Variants in RARB observed in about 807,000 individuals in gnomAD.
RARB encodes the protein retinoic acid receptor beta.
Under a neutral mutation model 51.9 loss-of-function variants are expected in RARB, and 17 were observed. The ratio of observed to expected loss-of-function variants is 0.33; its 90% CI spans 0.22 to 0.49. RARB has a LOEUF of 0.49. RARB is among the 20% of genes least tolerant of loss of function. The probability of loss-of-function intolerance (pLI) is 0.99; values close to 1 mark genes in which losing one functional copy is unlikely to be tolerated. For synonymous variants in RARB, 215 were observed against 195.4 expected, an observed-to-expected ratio of 1.10 and a Z score of -0.84; for missense variants, 369 against 550.8, an observed-to-expected ratio of 0.67 and a Z score of 3.30.
intron 5 of RARB, among the ~76,000 whole-genome samples, chr3:25,389,689 T>A (rs1706894873): frequency 6.6e-6 from 1 of 152,200 alleles, no homozygotes; most frequent in Admixed American, 6.6e-5. Flanking sequence ...CTGTCTTCAG[T>A]ACAGGGCTTA....
At chr3:25,044,181 TTA>T (rs1389245616) in intron 2 of RARB, among the ~76,000 whole-genome samples, 1 of 152,204 alleles carries the variant, frequency 6.6e-6, no homozygotes, top group Non-Finnish European at 1.5e-5. Context: ...TTGAACAAAA[TTA>T]TGTTAAATGC....
At chr3:25,089,453 G>C (rs946657318) in intron 3 of RARB, among the ~76,000 whole-genome samples, 3 of 150,306 alleles carry the variant, frequency 2.0e-5, no homozygotes, top group African/African-American at 7.4e-5. Context: ...AAACCAAAGA[G>C]AGTTGAAAGC....
chr3:25,501,080 G>A lies in RARB; in HGVS notation c.307-102G>A, dbSNP rs2116703. The A allele has an allele frequency of 0.18, 238,547 of 1,342,874 alleles. 22,116 individuals carry two copies. The highest frequency in any genetic ancestry group is 0.31 in the African/African-American group (20,321 of 66,284). 83.2% of individuals were successfully genotyped at this position (1,342,874 alleles called of 1,614,324 possible). On this transcript the variant is annotated intron_variant, in intron 2 of 7. Transcript: ENST00000330688. ...TTAACTTTTCTGCTGCCATCACTTC[G>A]TTACTCAAAAAGAGCAATTAATGCA...
At chr3:25,205,710 C>G (rs1360058554) in intron 5 of RARB, among the ~76,000 whole-genome samples, 3 of 151,852 alleles carry the variant, frequency 2.0e-5, no homozygotes, top group Non-Finnish European at 4.4e-5. Context: ...TATTATGTAC[C>G]CATAAAAATA....
intron 5 of RARB, chr3:25,259,208 C>A: frequency 1.8e-6 from 1 of 541,496 alleles, no homozygotes; most frequent in African/African-American, 2.1e-5. Context: ...ATCTCGTTTC[C>A]ACCAATGATT....
chr3:24,943,733 A>T (rs1456937336), intron 2 of RARB, among the ~76,000 whole-genome samples: 1 of 152,190 alleles, frequency 6.6e-6, no homozygotes, highest in Non-Finnish European at 1.5e-5. Flanking sequence ...TGCATTTTGC[A>T]CCTACAGATG....
intron 3 of RARB, among the ~76,000 whole-genome samples, chr3:25,063,708 CTT>C (rs749930990): frequency 2.0e-4 from 27 of 138,364 alleles, no homozygotes; most frequent in Non-Finnish European, 2.5e-4. Flanking sequence ...TAGTTTGAGA[CTT>C]TTTTTTTTTT....
At chr3:25,397,694 C>T (rs551611467) in intron 5 of RARB, among the ~76,000 whole-genome samples, 9 of 152,256 alleles carry the variant, frequency 5.9e-5, no homozygotes, top group African/African-American at 2.2e-4. Flanking sequence ...TATTTGTTCA[C>T]TTATCAAGTT....
chr3:24,919,476 C>G (rs933767554), intron 2 of RARB, among the ~76,000 whole-genome samples: 1 of 148,210 alleles, frequency 6.7e-6, no homozygotes, highest in African/African-American at 2.7e-5. Flanking sequence ...AAGGCAAACA[C>G]CAAGCTGTAA....
chr3:25,394,065 A>G (rs1366128960), intron 5 of RARB, among the ~76,000 whole-genome samples: 1 of 151,970 alleles, frequency 6.6e-6, no homozygotes, highest in Non-Finnish European at 1.5e-5. Context: ...TCTCTTAGAA[A>G]TACTTTTGCT....
intron 5 of RARB, among the ~76,000 whole-genome samples, chr3:25,353,302 A>G (rs1705632411): frequency 6.6e-6 from 1 of 152,144 alleles, no homozygotes; most frequent in Non-Finnish European, 1.5e-5. Flanking sequence ...TGCTGAATTA[A>G]TTTTATATCA....
At position 25,499,459 on chromosome 3, in the gene RARB, G is replaced by A. The variant is rs534670535; in HGVS notation, c.307-1723G>A. ...AGGTATACCCTTCATCTGTGTATTC[G>A]GCAAGCATCACTTGATCATCCATTG... is the stretch of plus-strand genomic sequence containing the variant. On this transcript the variant is annotated intron_variant, in intron 2 of 7. Coordinates refer to ENST00000330688, the MANE Select transcript of RARB (RefSeq NM_000965.5). 4.7e-4 allele frequency among the ~76,000 whole-genome samples: 72 copies of A among 152,240 alleles called. 1 individual carries two copies. The highest frequency in any genetic ancestry group is 6.8e-3 in the Middle Eastern group (2 of 294).
chr3:24,835,321 C>T (rs1408562229), intron 1 of RARB, among the ~76,000 whole-genome samples: 2 of 152,126 alleles, frequency 1.3e-5, no homozygotes, highest in African/African-American at 2.4e-5. Flanking sequence ...TAGAATGCCC[C>T]TTTTCCAATA....
intron 3 of RARB, among the ~76,000 whole-genome samples, chr3:25,127,383 TTC>T (rs1699877775): frequency 6.6e-6 from 1 of 152,204 alleles, no homozygotes; most frequent in African/African-American, 2.4e-5. Context: ...GCATTCGTGC[TTC>T]TCTCTGAAAA....
intron 5 of RARB, among the ~76,000 whole-genome samples, chr3:25,360,931 T>C (rs577622112): frequency 7.2e-5 from 11 of 152,326 alleles, no homozygotes; most frequent in African/African-American, 2.6e-4. Flanking sequence ...CATTTCAACC[T>C]TGCTGAATCT....
chr3:25,307,878 C>G (rs322693), intron 5 of RARB, among the ~76,000 whole-genome samples: 19,184 of 152,230 alleles, frequency 0.13, 1,614 homozygotes, highest in South Asian at 0.25. Context: ...TATTGGAACA[C>G]AATCATGTTT....
At chr3:25,189,850 A>C (rs1417569893) in intron 5 of RARB, among the ~76,000 whole-genome samples, 2 of 152,106 alleles carry the variant, frequency 1.3e-5, no homozygotes, top group Admixed American at 1.3e-4. Context: ...ATGCTACTGC[A>C]CTCCAGCCTG....
intron 5 of RARB, among the ~76,000 whole-genome samples, chr3:25,207,910 G>A (rs1346396413): frequency 6.6e-6 from 1 of 152,108 alleles, no homozygotes; most frequent in African/African-American, 2.4e-5. Context: ...TACAAGCGTG[G>A]TGCTGGCATC....
intron 5 of RARB, among the ~76,000 whole-genome samples, chr3:25,382,414 T>C (rs62235647): frequency 0.66 from 99,975 of 151,858 alleles, 33,162 homozygotes; most frequent in East Asian, 0.84. Context: ...TGGGAGAATT[T>C]CCCCTGCAGG....
Sources: allele counts gnomAD v4.1 joint callset (sites outside exome capture counted in the v4.1 genomes callset), GRCh38; gene constraint gnomAD v4.1.1; transcripts MANE v1.5; gene names NCBI Gene and HGNC (gene_info 2026-07-23, HGNC 2026-07-21).